Variants in SLC2A9 observed in about 807,000 individuals in gnomAD.
The protein encoded by SLC2A9 is solute carrier family 2 member 9.
SLC2A9 carries 39 observed loss-of-function variants against 50.6 expected under a neutral mutation model. The observed-to-expected ratio is 0.77, with a 90% CI of 0.60 to 1.01. The LOEUF is 1.01. Ranked by LOEUF, SLC2A9 falls within the 50% of genes least tolerant of loss-of-function variation. The pLI is 0.00. For synonymous variants in SLC2A9, 324 were observed against 276.9 expected, an observed-to-expected ratio of 1.17 and a Z score of -1.69; for missense variants, 686 against 677.6, an observed-to-expected ratio of 1.01 and a Z score of -0.14.
intron 1 of SLC2A9, among the ~76,000 whole-genome samples, chr4:9,772,070 G>A (rs1269097390): frequency 1.3e-5 from 2 of 152,186 alleles, no homozygotes; most frequent in African/African-American, 2.4e-5. Context: ...GTGGGTTGCA[G>A]GGAATCATAG....
rs1185283450 is a variant in SLC2A9 at position 9,835,026 on chromosome 4, G to A, written c.1292-18C>T. 6.2e-6 allele frequency: 10 copies of A among 1,612,602 alleles called. No individual in the cohort carries two copies. The highest frequency in any genetic ancestry group is 8.5e-6 in the Non-Finnish European group (10 of 1,179,882). ...GATGCCACCTGCAGTGTGTGAGCCA[G>A]GACATGGAATTAATCACTCTGAGAA... On this transcript the variant is annotated intron_variant, in intron 10 of 11. Transcript: ENST00000264784.
chr4:10,010,962 G>A (rs548381168), intron 2 of SLC2A9, among the ~76,000 whole-genome samples: 1 of 152,106 alleles, frequency 6.6e-6, no homozygotes, highest in African/African-American at 2.4e-5. Context: ...TGGGCTCATT[G>A]CAATGTGGGA....
At chr4:10,023,153 G>A (rs75606791), upstream of SLC2A9, among the ~76,000 whole-genome samples, 17 of 152,330 alleles carry the variant, frequency 1.1e-4, no homozygotes, top group East Asian at 3.1e-3. Context: ...TGGAAGAGGC[G>A]GCTTCTGAGC....
intron 2 of SLC2A9, among the ~76,000 whole-genome samples, chr4:10,007,894 C>T (rs1456046158): frequency 6.6e-6 from 1 of 152,152 alleles, no homozygotes; most frequent in African/African-American, 2.4e-5. Context: ...GATGAGGCCG[C>T]CAGAAGGATG....
At chr4:9,987,729 G>A (rs568756273) in intron 3 of SLC2A9, among the ~76,000 whole-genome samples, 28 of 152,166 alleles carry the variant, frequency 1.8e-4, no homozygotes, top group Non-Finnish European at 2.6e-4. Flanking sequence ...TCGGGAGACT[G>A]GGGCAGGAGA....
chr4:9,948,647 C>T (rs569268384), intron 5 of SLC2A9, among the ~76,000 whole-genome samples: 2 of 152,314 alleles, frequency 1.3e-5, no homozygotes, highest in East Asian at 3.9e-4. Context: ...AAGTTCTGTT[C>T]CCCCACCTCC....
intron 11 of SLC2A9, among the ~76,000 whole-genome samples, chr4:9,827,102 G>A (rs1461108860): frequency 6.6e-6 from 1 of 152,190 alleles, no homozygotes; most frequent in African/African-American, 2.4e-5. Context: ...CTCTGAGGCG[G>A]CCTTGCACAA....
chr4:9,847,151 T>A (rs1461960944), intron 10 of SLC2A9, among the ~76,000 whole-genome samples: 1 of 152,240 alleles, frequency 6.6e-6, no homozygotes, highest in Non-Finnish European at 1.5e-5. Context: ...GTTTTCACAC[T>A]GCTGTGAAGA....
chr4:9,929,236 C>A (rs1008069171), intron 6 of SLC2A9, among the ~76,000 whole-genome samples: 2 of 152,250 alleles, frequency 1.3e-5, no homozygotes, highest in Non-Finnish European at 2.9e-5. Flanking sequence ...ATGAAGCTTG[C>A]ACATGGGCAG....
intron 4 of SLC2A9, among the ~76,000 whole-genome samples, chr4:9,983,163 C>T (rs548908450): frequency 3.3e-5 from 5 of 152,276 alleles, no homozygotes; most frequent in South Asian, 2.1e-4. Context: ...CCACCGTGCC[C>T]GGCCCATTTA....
Position 9,854,241 on chromosome 4 carries a change from TCTAAA to T in SLC2A9, c.1292-19238_1292-19234del, listed in dbSNP as rs1367324341. Among the ~76,000 whole-genome samples the T allele has an allele frequency of 3.3e-5, 5 of 151,938 alleles. 1 individual carries two copies. The South Asian group carries it at 6.2e-4, about 19-fold the overall frequency. On this transcript the variant is annotated intron_variant, in intron 10 of 11. Transcript: ENST00000264784. The stretch of plus-strand genomic sequence containing the variant: ...AATAAATAAGACTGATAGGCCACTA[TCTAAA>T]CTAATTAAAAAAGAGAGAAAATTCA...
intron 3 of SLC2A9, among the ~76,000 whole-genome samples, chr4:9,994,433 C>T (rs373217989): frequency 8.5e-5 from 13 of 152,314 alleles, no homozygotes; most frequent in African/African-American, 3.1e-4. Flanking sequence ...AAACTGGCAG[C>T]TGCTTGGGGC....
intron 10 of SLC2A9, among the ~76,000 whole-genome samples, chr4:9,837,701 A>G (rs1727320408): frequency 1.3e-5 from 2 of 152,190 alleles, no homozygotes; most frequent in African/African-American, 4.8e-5. Flanking sequence ...TGTTTGCAGG[A>G]TTGATGAAAG....
At chr4:9,831,195 C>T (rs1360979343) in intron 11 of SLC2A9, among the ~76,000 whole-genome samples, 2 of 152,064 alleles carry the variant, frequency 1.3e-5, no homozygotes, top group African/African-American at 4.8e-5. Context: ...CTCTTGGTGG[C>T]TGCTGTGGGC....
At chr4:9,951,699 C>T (rs1750290644) in intron 5 of SLC2A9, among the ~76,000 whole-genome samples, 1 of 152,086 alleles carries the variant, frequency 6.6e-6, no homozygotes, top group African/African-American at 2.4e-5. Context: ...AGGAAATGTA[C>T]TTCTTTCTAG....
intron 8 of SLC2A9, among the ~76,000 whole-genome samples, chr4:9,907,997 C>T (rs538023370): frequency 1.3e-5 from 2 of 152,326 alleles, no homozygotes; most frequent in African/African-American, 4.8e-5. Context: ...AGAATTGTCG[C>T]TCTTCAGTAC....
chr4:9,834,729 T>C, intron 11 of SLC2A9, 152 bp downstream of exon 11: 4 of 1,260,326 alleles, frequency 3.2e-6, no homozygotes, highest in Middle Eastern at 2.6e-4. Flanking sequence ...GATGAAAGGT[T>C]TTGCCCAAAG....
At chr4:9,958,025 A>T (rs952279114) in intron 5 of SLC2A9, among the ~76,000 whole-genome samples, 2 of 152,246 alleles carry the variant, frequency 1.3e-5, no homozygotes, top group East Asian at 1.9e-4. Context: ...CTAAAAGTTA[A>T]CACAGAAACA....
At chr4:9,791,952 G>T (rs1229379943) in intron 3 of SLC2A9, among the ~76,000 whole-genome samples, 1 of 152,138 alleles carries the variant, frequency 6.6e-6, no homozygotes, top group Admixed American at 6.5e-5. Context: ...AAAAGGGAGA[G>T]AACATTTATT....
Sources: allele counts gnomAD v4.1 joint callset (sites outside exome capture counted in the v4.1 genomes callset), GRCh38; gene constraint gnomAD v4.1.1; transcripts MANE v1.5; gene names NCBI Gene and HGNC (gene_info 2026-07-23, HGNC 2026-07-21).